Variants in GPR78 observed in about 807,000 individuals in gnomAD.
GPR78 encodes G protein-coupled receptor 78.
A neutral mutation model predicts 17.9 loss-of-function variants in GPR78; 29 were observed. The ratio of observed to expected loss-of-function variants is 1.62; its 90% CI spans 1.20 to 2.21. The LOEUF is 2.21. Among genes scored for constraint, GPR78 ranks in the 30% most tolerant of loss-of-function variants. The probability of loss-of-function intolerance (pLI) is 0.00; values close to 1 mark genes in which losing one functional copy is unlikely to be tolerated. For missense variants in GPR78, 649 were observed against 530.5 expected, an observed-to-expected ratio of 1.22 and a Z score of -2.19; for synonymous variants, 349 against 256.9, an observed-to-expected ratio of 1.36 and a Z score of -3.43.
chr4:8,587,542 C>A lies in GPR78; in HGVS notation c.*179C>A. On this transcript the variant is annotated 3_prime_UTR_variant, in exon 3 of 3. Coordinates refer to ENST00000382487, the MANE Select transcript of GPR78 (RefSeq NM_080819.5). ...ATGTGGGTGTGGACAGCAGTAGTGG[C>A]GGAGGAGAGCTCGGGGCTGGGCTGC... The A allele has an allele frequency of 1.5e-6, 1 of 670,946 alleles. No individual in the cohort carries two copies. Among genetic ancestry groups the A allele is most frequent in the Non-Finnish European group, 2.5e-6 (1 of 399,072 alleles). The allele number at this position is 670,946 out of a possible 1,614,324, so 41.6% of individuals were successfully genotyped here. A position where few individuals can be genotyped will look rare whatever the true frequency, so the allele number is the denominator to read the frequency against.
In GPR78 at chr4:8,580,840, CT is replaced by C. The variant is rs1713244370; in HGVS notation, c.-142del. 2.5e-6 allele frequency: 2 copies of C among 803,426 alleles called. No individual in the cohort carries two copies. Among genetic ancestry groups the C allele is most frequent in the African/African-American group, 3.6e-5 (2 of 56,334 alleles). 49.8% of individuals were successfully genotyped at this position (803,426 alleles called of 1,614,324 possible). ...TGCACTTGCCGCCGCTTTCCTCGCG[CT>C]GCTCTGGACCTTGCTAGCCGGCTCT... On this transcript the variant is annotated 5_prime_UTR_variant, in exon 1 of 3. Transcript: ENST00000382487.
chr4:8,582,598 G>A lies in GPR78; in HGVS notation c.736G>A (p.Ala246Thr), dbSNP rs746600928. 2.5e-6 allele frequency: 4 copies of A among 1,613,524 alleles called. No individual in the cohort carries two copies. The highest frequency in any genetic ancestry group is 3.3e-5 in the Admixed American group (2 of 60,020). Residue 246 changes from alanine to threonine, a missense_variant, in exon 2 of 3, where the codon GCT (alanine) becomes ACT (threonine). By Grantham distance (58) the Ala-to-Thr change is moderately conservative. Coordinates refer to ENST00000382487, the MANE Select transcript of GPR78 (RefSeq NM_080819.5). Reference protein sequence around the residue: ...RHRATRKIGIAIATFLICFAP... With the variant: ...RHRATRKIGITIATFLICFAP... ...CCGCGCCACCAGGAAGATTGGCATT[G>A]CTATTGCGACCTTCCTCATCTGCTT... is the stretch of plus-strand genomic sequence containing the variant.
rs1333366653 is a variant in GPR78 at position 8,581,557 on chromosome 4, C to T, written c.575C>T (p.Ser192Leu). ...CCGCTGGCGGTGCTCTGCCTCACCT[C>T]GCTCCAGGTGCACCGGGTGGCACGC... The part of the protein sequence containing the change: ...VLPLAVLCLT[S>L]LQVHRVARRH... Residue 192 changes from serine (S) to leucine (L), a missense_variant, in exon 1 of 3, where the codon TCG (serine) becomes TTG (leucine). Coordinates refer to ENST00000382487, the MANE Select transcript of GPR78 (RefSeq NM_080819.5). 5 of 1,583,336 alleles carry T rather than the reference C, an allele frequency of 3.2e-6. No individual in the cohort carries two copies. In the African/African-American group the frequency reaches 5.4e-5, roughly 17 times the overall value.
rs981334891 is a variant in GPR78, at chr4:8,588,042, A to G, written c.*679A>G. On this transcript the variant is annotated 3_prime_UTR_variant, in exon 3 of 3. Transcript: ENST00000382487. ...GAGCCTGTCTCCTGCCTTCCTTTCC[A>G]TGGTTTGCCAGGGGTTTGGCATCTT... Among the ~76,000 whole-genome samples the G allele has an allele frequency of 1.3e-5, 2 of 152,036 alleles. No individual in the cohort carries two copies. The highest frequency in any genetic ancestry group is 2.1e-4 in the South Asian group (1 of 4,828).
Position 8,582,595 on chromosome 4 carries a change from A to T in GPR78, c.733A>T (p.Ile245Phe). Reference sequence around the variant, plus strand: ...CCACCGCGCCACCAGGAAGATTGGCATTGCTATTGCGACCTTCCTCATCTG... The same window carrying T: ...CCACCGCGCCACCAGGAAGATTGGCTTTGCTATTGCGACCTTCCTCATCTG... ...RRHRATRKIG[I>F]AIATFLICFA... is the part of the protein sequence containing the mutation. The change falls in exon 2 of 3, where the codon ATT becomes TTT. Residue 245 changes from isoleucine to phenylalanine, a missense_variant. Ile to Phe is a conservative substitution (Grantham distance 21, BLOSUM62 0). Coordinates refer to ENST00000382487, the MANE Select transcript of GPR78 (RefSeq NM_080819.5). 6.2e-7 allele frequency: 1 copy of T among 1,613,628 alleles called. No homozygotes were observed. The highest frequency in any genetic ancestry group is 8.5e-7 in the Non-Finnish European group (1 of 1,179,936).
chr4:8,585,663 G>A (rs1679111708), intron 2 of GPR78, among the ~76,000 whole-genome samples: 1 of 152,136 alleles, frequency 6.6e-6, no homozygotes, highest in Non-Finnish European at 1.5e-5. Flanking sequence ...TGACTGCCTT[G>A]GATCTGTGTC....
intron 2 of GPR78, among the ~76,000 whole-genome samples, chr4:8,583,255 T>C (rs909694121): frequency 6.6e-6 from 1 of 152,212 alleles, no homozygotes; most frequent in Non-Finnish European, 1.5e-5. Context: ...GGCCACTTGG[T>C]TACTACCTTA....
Position 8,587,963 on chromosome 4 carries a change from G to A in GPR78, c.*600G>A, listed in dbSNP as rs998359356. The stretch of plus-strand genomic sequence containing the variant: ...GACATGCCCATCTCTGGAAGCCTAG[G>A]GGTCCCCAGCTCCAGGCCTGTCCGC... On this transcript the variant is annotated 3_prime_UTR_variant, in exon 3 of 3. Coordinates refer to ENST00000382487, the MANE Select transcript of GPR78 (RefSeq NM_080819.5). Among the ~76,000 whole-genome samples the A allele has an allele frequency of 8.5e-5, 13 of 152,192 alleles. No individual in the cohort carries two copies. The highest frequency in any genetic ancestry group is 2.7e-4 in the African/African-American group (11 of 41,446).
Position 8,581,501 on chromosome 4 carries a change from C to T in GPR78, c.519C>T (p.Thr173=), listed in dbSNP as rs112091210. 44 of 1,592,222 alleles carry T rather than the reference C, an allele frequency of 2.8e-5. 1 individual carries two copies. The African/African-American group carries it at 4.7e-4, about 17-fold the overall frequency. The change falls in exon 1 of 3, where the codon ACC becomes ACT. Residue 173 remains threonine, a synonymous_variant. Coordinates refer to ENST00000382487, the MANE Select transcript of GPR78 (RefSeq NM_080819.5). ...AGCGTCCGCGCTTCGCAGCCTTCAC[C>T]GCCACGCTCCATGCCGTGGGCTTCG... ...EPERPRFAAF[T]ATLHAVGFVL... is the part of the protein sequence containing the mutation.
chr4:8,587,149 C>T lies in GPR78; in HGVS notation c.878C>T (p.Thr293Met), dbSNP rs762987831. ...TYSKAVADPFTYSLLRRPFRQ... is the reference protein window; with the variant it reads ...TYSKAVADPFMYSLLRRPFRQ... ...AGCAAGGCGGTGGCCGACCCGTTCA[C>T]GTACTCTCTGCTCCGCCGGCCGTTC... Residue 293 changes from threonine to methionine, a missense_variant, in exon 3 of 3, where the codon ACG (threonine) becomes ATG (methionine). Thr to Met is a moderately conservative substitution (Grantham distance 81, BLOSUM62 -1). Coordinates refer to ENST00000382487, the MANE Select transcript of GPR78 (RefSeq NM_080819.5). 3.7e-5 allele frequency: 59 copies of T among 1,613,272 alleles called. No homozygotes were observed. The highest frequency in any genetic ancestry group is 2.4e-4 in the African/African-American group (18 of 74,944).
chr4:8,586,539 G>A (rs77360548), intron 2 of GPR78, among the ~76,000 whole-genome samples: 3,788 of 152,332 alleles, frequency 0.025, 102 homozygotes, highest in East Asian at 0.15. Context: ...GTTGACACCT[G>A]TTACTCCAAC....
At chr4:8,581,909 G>A (rs1267845379) in intron 1 of GPR78, among the ~76,000 whole-genome samples, 3 of 152,158 alleles carry the variant, frequency 2.0e-5, no homozygotes, top group Non-Finnish European at 4.4e-5. Context: ...TCTCCGGGAG[G>A]GGTTCCGCGG....
rs1457695506 is a variant in GPR78 at position 8,580,703 on chromosome 4, C to T, written c.-280C>T. On this transcript the variant is annotated 5_prime_UTR_variant, in exon 1 of 3. It adds an upstream start codon to the 5' untranslated region. Transcript: ENST00000382487. ...CAGCCTCAGGACAGTCCTGCCGGGA[C>T]GGTGAGCGCATTCAGCACCCTGGAC... 3 of 504,494 alleles carry T rather than the reference C, an allele frequency of 5.9e-6. No homozygotes were observed. Among genetic ancestry groups the T allele is most frequent in the African/African-American group, 4.1e-5 (2 of 49,070 alleles). The allele number at this position is 504,494 out of a possible 1,614,324, so 31.3% of individuals were successfully genotyped here.
chr4:8,581,239 A>T lies in GPR78; in HGVS notation c.257A>T (p.Asp86Val). 6.3e-7 allele frequency: 1 copy of T among 1,595,330 alleles called. No individual in the cohort carries two copies. Among genetic ancestry groups the T allele is most frequent in the Non-Finnish European group, 8.5e-7 (1 of 1,175,842 alleles). The change falls in exon 1 of 3, where the codon GAC (aspartate) becomes GTC (valine). Residue 86 changes from aspartate (D) to valine (V), a missense_variant. By Grantham distance (152) the Asp-to-Val change is radical. Coordinates refer to ENST00000382487, the MANE Select transcript of GPR78 (RefSeq NM_080819.5). ...PGACQVIGFL[D>V]TFLASNAALS... The stretch of plus-strand genomic sequence containing the variant: ...GCATGCCAAGTCATTGGCTTCCTGG[A>T]CACCTTCCTGGCGTCCAACGCGGCG...
intron 2 of GPR78, among the ~76,000 whole-genome samples, chr4:8,585,995 C>A (rs1577100068): frequency 6.6e-6 from 1 of 152,168 alleles, no homozygotes; most frequent in African/African-American, 2.4e-5. Flanking sequence ...CCTGGGAGAT[C>A]ATCAGGCTGT....
chr4:8,580,771 C>G lies in GPR78; in HGVS notation c.-212C>G, dbSNP rs971619054. 16 of 585,428 alleles carry G rather than the reference C, an allele frequency of 2.7e-5. No homozygotes were observed. Among genetic ancestry groups the G allele is most frequent in the African/African-American group, 1.2e-4 (6 of 51,258 alleles). 36.3% of individuals were successfully genotyped at this position (585,428 alleles called of 1,614,324 possible). On this transcript the variant is annotated 5_prime_UTR_variant, in exon 1 of 3. Coordinates refer to ENST00000382487, the MANE Select transcript of GPR78 (RefSeq NM_080819.5). ...GCCTCCAGGGCGGCCCCGGGCTGCT[C>G]CTGCTCCGCAGAGCTACGCCCTCCC...
intron 2 of GPR78, chr4:8,582,856 TGAG>T: frequency 1.8e-6 from 1 of 542,978 alleles, no homozygotes; most frequent in East Asian, 3.0e-5. Flanking sequence ...GTCCTATAAA[TGAG>T]GAGACTCTCC....
Position 8,581,606 on chromosome 4 carries a change from C to T in GPR78, c.624C>T (p.Thr208=), listed in dbSNP as rs1713292365. Residue 208 remains threonine, a synonymous_variant, in exon 1 of 3, where the codon ACC becomes ACT. Transcript: ENST00000382487. ...GCAGACACTGCCAGCGCATGGACAC[C>T]GTCACCATGAAGGCGCTCGCGCTGC... ...VARRHCQRMD[T]VTMKALALLA... is the part of the protein sequence containing the mutation. 5 of 1,540,606 alleles carry T rather than the reference C, an allele frequency of 3.2e-6. No homozygotes were observed. The highest frequency in any genetic ancestry group is 2.5e-5 in the South Asian group (2 of 81,426).
intron 2 of GPR78, among the ~76,000 whole-genome samples, chr4:8,586,423 G>A (rs1405193790): frequency 6.6e-6 from 1 of 152,208 alleles, no homozygotes; most frequent in Admixed American, 6.5e-5. Context: ...ACAGTGGGTA[G>A]GGAAGCACCC....
Sources: allele counts gnomAD v4.1 joint callset (sites outside exome capture counted in the v4.1 genomes callset), GRCh38; gene constraint gnomAD v4.1.1; transcripts MANE v1.5; gene names NCBI Gene and HGNC (gene_info 2026-07-23, HGNC 2026-07-21).